The following FAAH2 variants were observed in gnomAD, a reference collection of about 807,000 sequenced individuals.
FAAH2 encodes the protein fatty acid amide hydrolase 2, also known as fatty-acid amide hydrolase 2.
FAAH2 carries 60 observed loss-of-function variants against 36.9 expected under a neutral mutation model. The ratio of observed to expected loss-of-function variants is 1.63; its 90% CI spans 1.32 to 2.02. The LOEUF (loss-of-function observed/expected upper bound fraction) is 2.02. Among genes scored for constraint, FAAH2 ranks in the 30% most tolerant of loss-of-function variants. The pLI is 0.00. For missense variants in FAAH2, 689 were observed against 397.5 expected, an observed-to-expected ratio of 1.73 and a Z score of -6.23; for synonymous variants, 214 against 143.8, an observed-to-expected ratio of 1.49 and a Z score of -3.49.
chrX:57,328,731 T>G (rs962382046), intron 3 of FAAH2, among the ~76,000 whole-genome samples: 3 of 111,600 alleles, frequency 2.7e-5, no homozygotes, highest in Non-Finnish European at 5.6e-5. Flanking sequence ...GGGTGAGAGT[T>G]TTTCTTTTAT....
At chrX:57,201,001 C>A in the FAAH2 span, among the ~76,000 whole-genome samples, 1 of 109,392 alleles carries the variant, frequency 9.1e-6, no homozygotes, top group Admixed American at 9.7e-5. Flanking sequence ...TTTTTAATTC[C>A]CCCTTTATAT....
chrX:57,327,745 C>A (rs976638305), intron 3 of FAAH2, among the ~76,000 whole-genome samples: 1 of 111,291 alleles, frequency 9.0e-6, no homozygotes, highest in African/African-American at 3.3e-5. Flanking sequence ...TTCATCTAAT[C>A]CTTTTTCAAG....
At chrX:57,167,457 C>A in the FAAH2 span, among the ~76,000 whole-genome samples, 1 of 111,868 alleles carries the variant, frequency 8.9e-6, no homozygotes, top group South Asian at 3.8e-4. Flanking sequence ...TCTAATGATA[C>A]CTGGCATTCA....
At chrX:57,352,832 A>C (rs2054060588) in intron 5 of FAAH2, among the ~76,000 whole-genome samples, 1 of 111,210 alleles carries the variant, frequency 9.0e-6, no homozygotes, top group Admixed American at 9.6e-5. Flanking sequence ...CTGAGAAAGC[A>C]TGAAGGCAAT....
the FAAH2 span, among the ~76,000 whole-genome samples, chrX:57,195,974 C>T: frequency 1.8e-5 from 2 of 111,959 alleles, no homozygotes; most frequent in Non-Finnish European, 3.8e-5. Context: ...TATTTTTATA[C>T]CAGCGCCATG....
intron 5 of FAAH2, among the ~76,000 whole-genome samples, chrX:57,364,772 A>G (rs1465778858): frequency 9.0e-6 from 1 of 110,929 alleles, no homozygotes; most frequent in Non-Finnish European, 1.9e-5. Context: ...ATTAATTTCA[A>G]AAAGTTTTTT....
the FAAH2 span, among the ~76,000 whole-genome samples, chrX:57,177,776 C>T: frequency 3.7e-5 from 4 of 107,978 alleles, no homozygotes; most frequent in Admixed American, 3.0e-4. Context: ...TTCATGAGTG[C>T]CTGGGCTGTC....
At chrX:57,314,303 C>A (rs1405385322) in intron 3 of FAAH2, among the ~76,000 whole-genome samples, 1 of 111,137 alleles carries the variant, frequency 9.0e-6, no homozygotes, top group Non-Finnish European at 1.9e-5. Context: ...GATTTCAAAA[C>A]CCCACTGACA....
chrX:57,351,369 C>T (rs909730534), intron 5 of FAAH2, among the ~76,000 whole-genome samples: 2 of 110,788 alleles, frequency 1.8e-5, no homozygotes, highest in African/African-American at 6.5e-5. Flanking sequence ...GTAATAAAGG[C>T]TTACGTCCAA....
At chrX:57,256,435 T>C in the FAAH2 span, among the ~76,000 whole-genome samples, 1 of 111,731 alleles carries the variant, frequency 9.0e-6, no homozygotes, top group Non-Finnish European at 1.9e-5. Context: ...ATAGTTCATA[T>C]GAAATCAAAA....
At chrX:57,376,662 A>T (rs1467133046) in intron 5 of FAAH2, among the ~76,000 whole-genome samples, 2 of 112,211 alleles carry the variant, frequency 1.8e-5, no homozygotes, top group African/African-American at 6.5e-5. Context: ...TTCTTTGGGT[A>T]TAAAACCAGT....
chrX:57,212,456 A>G, the FAAH2 span, among the ~76,000 whole-genome samples: 1 of 112,640 alleles, frequency 8.9e-6, no homozygotes, highest in Non-Finnish European at 1.9e-5. Flanking sequence ...CTGAAAAGTA[A>G]CAGAATAAAA....
At chrX:57,311,117 G>C (rs2052680268) in intron 3 of FAAH2, among the ~76,000 whole-genome samples, 1 of 111,843 alleles carries the variant, frequency 8.9e-6, no homozygotes, top group African/African-American at 3.2e-5. Flanking sequence ...GTAACTTCCT[G>C]CTAGCCTCAA....
the FAAH2 span, among the ~76,000 whole-genome samples, chrX:57,158,330 G>C: frequency 8.9e-6 from 1 of 112,187 alleles, no homozygotes; most frequent in East Asian, 2.8e-4. Context: ...TGTCTTTATA[G>C]AAGCATGATT....
At chrX:57,323,933 G>A (rs2053123768) in intron 3 of FAAH2, among the ~76,000 whole-genome samples, 1 of 110,840 alleles carries the variant, frequency 9.0e-6, no homozygotes, top group Non-Finnish European at 1.9e-5. Context: ...TGTCCTGAAT[G>A]GTATTGCCTA....
chrX:57,237,883 A>G, the FAAH2 span, among the ~76,000 whole-genome samples: 4 of 112,135 alleles, frequency 3.6e-5, no homozygotes, highest in Middle Eastern at 4.6e-3. Flanking sequence ...CCTGTGGCCA[A>G]TGAGCATATT....
chrX:57,267,234 G>A, the FAAH2 span, among the ~76,000 whole-genome samples: 4 of 112,679 alleles, frequency 3.5e-5, no homozygotes, highest in South Asian at 3.6e-4. Flanking sequence ...TGCATGGCAG[G>A]TTTTGCTTTC....
intron 7 of FAAH2, among the ~76,000 whole-genome samples, chrX:57,431,694 T>A (rs1048221044): frequency 9.0e-5 from 10 of 111,378 alleles, no homozygotes; most frequent in Admixed American, 4.8e-4. Flanking sequence ...TTCAGCTTCT[T>A]AGCTTGTTTC....
the FAAH2 span, among the ~76,000 whole-genome samples, chrX:57,257,304 A>G: frequency 3.6e-5 from 4 of 112,398 alleles, no homozygotes; most frequent in Non-Finnish European, 7.5e-5. Flanking sequence ...AATATTTATC[A>G]GTGATAGACT....
Sources: allele counts gnomAD v4.1 joint callset (sites outside exome capture counted in the v4.1 genomes callset), GRCh38; gene constraint gnomAD v4.1.1; transcripts MANE v1.5; gene names NCBI Gene and HGNC (gene_info 2026-07-23, HGNC 2026-07-21).